The following PARD3B variants were observed in gnomAD, a reference collection of about 807,000 sequenced individuals.
PARD3B encodes partitioning defective 3 homolog B.
Under a neutral mutation model 130.2 loss-of-function variants are expected in PARD3B, and 103 were observed. The observed-to-expected ratio is 0.79, with a 90% CI of 0.67 to 0.93. The LOEUF is 0.93. Ranked by LOEUF, PARD3B falls within the 40% of genes least tolerant of loss-of-function variation. PARD3B has a pLI of 0.00. For synonymous variants in PARD3B, 583 were observed against 553.2 expected (o/e 1.05, Z -0.76); for missense variants, 1,609 against 1,499.2 (o/e 1.07, Z -1.21).
intron 11 of PARD3B, among the ~76,000 whole-genome samples, chr2:205,164,453 C>T (rs748553754): frequency 3.3e-5 from 5 of 152,058 alleles, no homozygotes; most frequent in Admixed American, 6.6e-5. Flanking sequence ...GGCAACACAG[C>T]GAGACCCCAT....
intron 1 of PARD3B, among the ~76,000 whole-genome samples, chr2:204,631,273 CAG>C (rs1331752127): frequency 4.8e-5 from 7 of 147,364 alleles, no homozygotes; most frequent in African/African-American, 2.5e-5. Flanking sequence ...GTTTTTTAGA[CAG>C]AGTCTCGCTC....
intron 5 of PARD3B, among the ~76,000 whole-genome samples, chr2:205,107,578 A>C (rs1703317149): frequency 6.6e-6 from 1 of 152,230 alleles, no homozygotes; most frequent in Non-Finnish European, 1.5e-5. Flanking sequence ...CACCCAAGCA[A>C]GACTGTGAAT....
chr2:204,737,675 C>T (rs1248048618), intron 2 of PARD3B, among the ~76,000 whole-genome samples: 1 of 152,092 alleles, frequency 6.6e-6, no homozygotes, highest in Non-Finnish European at 1.5e-5. Flanking sequence ...AGAGTTTTTC[C>T]AACATTGTCT....
chr2:204,892,108 G>T (rs2046471309), intron 2 of PARD3B, among the ~76,000 whole-genome samples: 1 of 152,186 alleles, frequency 6.6e-6, no homozygotes, highest in Non-Finnish European at 1.5e-5. Context: ...AGGGGACAAG[G>T]TGAAATGGAG....
chr2:204,884,497 C>A (rs2046198595), intron 2 of PARD3B, among the ~76,000 whole-genome samples: 1 of 151,986 alleles, frequency 6.6e-6, no homozygotes, highest in African/African-American at 2.4e-5. Flanking sequence ...ACAGGATGTG[C>A]AGGTTTGTTA....
intron 10 of PARD3B, among the ~76,000 whole-genome samples, chr2:205,131,544 A>G (rs2031997795): frequency 6.6e-6 from 1 of 152,212 alleles, no homozygotes; most frequent in African/African-American, 2.4e-5. Flanking sequence ...AGGAGCTTCT[A>G]GCCCATAAAG....
intron 2 of PARD3B, among the ~76,000 whole-genome samples, chr2:204,774,442 A>G (rs999114223): frequency 5.3e-5 from 8 of 152,126 alleles, no homozygotes; most frequent in African/African-American, 1.9e-4. Context: ...GACCAGGAGC[A>G]GGTTTGGGAT....
chr2:204,875,823 T>C (rs73068655), intron 2 of PARD3B, among the ~76,000 whole-genome samples: 3,341 of 152,288 alleles, frequency 0.022, 122 homozygotes, highest in African/African-American at 0.076. Flanking sequence ...AATCTTACAG[T>C]ATGTCATTGG....
intron 20 of PARD3B, among the ~76,000 whole-genome samples, chr2:205,474,385 G>C (rs1445990945): frequency 6.6e-6 from 1 of 151,888 alleles, no homozygotes; most frequent in African/African-American, 2.4e-5. Context: ...TATATCATTT[G>C]TGCATGCATA....
chr2:205,159,625 T>C (rs911915296), intron 11 of PARD3B, among the ~76,000 whole-genome samples: 3 of 152,180 alleles, frequency 2.0e-5, no homozygotes, highest in Non-Finnish European at 2.9e-5. Flanking sequence ...AACTACTTCA[T>C]AGGTTTCCAG....
At chr2:205,448,213 A>G (rs1559104210) in intron 20 of PARD3B, among the ~76,000 whole-genome samples, 2 of 152,178 alleles carry the variant, frequency 1.3e-5, no homozygotes, top group African/African-American at 2.4e-5. Context: ...ACTAAAGTCT[A>G]TTGAGTTTAT....
At chr2:204,747,034 A>G (rs542959207) in intron 2 of PARD3B, among the ~76,000 whole-genome samples, 4,187 of 152,164 alleles carry the variant, frequency 0.028, 178 homozygotes, top group African/African-American at 0.096. Flanking sequence ...TTGGTGTTTT[A>G]GACATGAAGT....
At chr2:204,804,688 T>C (rs73066648) in intron 2 of PARD3B, among the ~76,000 whole-genome samples, 2,605 of 152,300 alleles carry the variant, frequency 0.017, 67 homozygotes, top group African/African-American at 0.057. Context: ...AATACACTTT[T>C]TCCTCAGCAT....
chr2:205,040,137 T>C (rs142106197), intron 3 of PARD3B, among the ~76,000 whole-genome samples: 1,768 of 151,840 alleles, frequency 0.012, 33 homozygotes, highest in African/African-American at 0.04. Context: ...CTAATTTTTA[T>C]GTTTTTAGTA....
intron 20 of PARD3B, among the ~76,000 whole-genome samples, chr2:205,471,870 C>T (rs1032372565): frequency 5.3e-5 from 8 of 152,098 alleles, no homozygotes; most frequent in Non-Finnish European, 1.2e-4. Context: ...ATGGAGTTGT[C>T]ATGTTGTGTT....
chr2:204,855,909 T>A (rs1234933386), intron 2 of PARD3B, among the ~76,000 whole-genome samples: 1 of 152,148 alleles, frequency 6.6e-6, no homozygotes, highest in African/African-American at 2.4e-5. Context: ...TATATAGTAT[T>A]TCAGTGTAAA....
intron 2 of PARD3B, among the ~76,000 whole-genome samples, chr2:204,704,646 A>G (rs573614735): frequency 6.6e-6 from 1 of 152,322 alleles, no homozygotes; most frequent in Non-Finnish European, 1.5e-5. Context: ...CCTGTTAAAT[A>G]GAACTTGCTC....
At chr2:205,137,093 A>G (rs1375611535) in intron 10 of PARD3B, among the ~76,000 whole-genome samples, 1 of 152,216 alleles carries the variant, frequency 6.6e-6, no homozygotes, top group Non-Finnish European at 1.5e-5. Flanking sequence ...GTCAGTAGGG[A>G]AAGCTAATGA....
At position 205,458,586 on chromosome 2, in the gene PARD3B, G is replaced by T. The variant is rs2048348941; in HGVS notation, c.3044+17914G>T. On this transcript the variant is annotated intron_variant, in intron 20 of 22. Coordinates refer to ENST00000406610, the MANE Select transcript of PARD3B (RefSeq NM_001302769.2). This position sits in a 1 kb window ranked among gnomAD's most constrained non-coding sequence, Gnocchi z 4.8. ...TTTTACCCTGAGATGCTACTTCTCT[G>T]ATGAAATTCTCCATCATATTATCTT... 6.6e-6 allele frequency among the ~76,000 whole-genome samples: 1 copy of T among 152,110 alleles called. No homozygotes were observed. Among genetic ancestry groups the T allele is most frequent in the Non-Finnish European group, 1.5e-5 (1 of 68,008 alleles).
Sources: allele counts gnomAD v4.1 joint callset (sites outside exome capture counted in the v4.1 genomes callset), GRCh38; gene constraint gnomAD v4.1.1; non-coding constraint Gnocchi (gnomAD v3.1); transcripts MANE v1.5; gene names NCBI Gene and HGNC (gene_info 2026-07-23, HGNC 2026-07-21).